Variants in ERCC3 observed in about 807,000 individuals in gnomAD.
ERCC3 encodes general transcription and DNA repair factor IIH helicase/translocase subunit XPB.
Under a neutral mutation model 94.2 loss-of-function variants are expected in ERCC3, and 66 were observed. The ratio of observed to expected loss-of-function variants is 0.70; its 90% CI spans 0.57 to 0.86. The LOEUF (loss-of-function observed/expected upper bound fraction) is 0.86, where lower values mean the gene tolerates loss of function less well. Among genes scored for constraint, ERCC3 ranks in the 40% least tolerant of loss-of-function variants. The pLI is 0.00. For synonymous variants in ERCC3, 349 were observed against 369.1 expected, an observed-to-expected ratio of 0.95 and a Z score of 0.63; for missense variants, 829 against 987.1, an observed-to-expected ratio of 0.84 and a Z score of 2.15.
At chr2:127,266,734 G>A (rs1369301586) in intron 12 of ERCC3, among the ~76,000 whole-genome samples, 1 of 27,322 alleles carries the variant, frequency 3.7e-5, no homozygotes, top group Non-Finnish European at 8.6e-5. Context: ...TTTTTTTTTT[G>A]TGACAGAGTC....
At chr2:127,286,041 T>G (rs1232645466) in intron 8 of ERCC3, among the ~76,000 whole-genome samples, 1 of 151,940 alleles carries the variant, frequency 6.6e-6, no homozygotes, top group Non-Finnish European at 1.5e-5. Flanking sequence ...ACATATTGAC[T>G]AAGGATCAAT....
chr2:127,289,631 G>A, intron 5 of ERCC3, 58 bp downstream of exon 5: 2 of 1,611,208 alleles, frequency 1.2e-6, no homozygotes, highest in Non-Finnish European at 1.7e-6. Context: ...AGACACCTGA[G>A]AGAACTGAAA....
chr2:127,268,585 A>G (rs1439210995), intron 12 of ERCC3, among the ~76,000 whole-genome samples: 1 of 152,120 alleles, frequency 6.6e-6, no homozygotes, highest in Non-Finnish European at 1.5e-5. Context: ...CTTTTCTTTA[A>G]GAATGCTAAA....
At chr2:127,282,413 T>C (rs1684944364) in intron 8 of ERCC3, among the ~76,000 whole-genome samples, 1 of 152,180 alleles carries the variant, frequency 6.6e-6, no homozygotes. Flanking sequence ...AGGTTCTCAA[T>C]AAATACCTGT....
chr2:127,278,449 A>C (rs1391571101), intron 10 of ERCC3, among the ~76,000 whole-genome samples: 5 of 152,158 alleles, frequency 3.3e-5, no homozygotes, highest in Non-Finnish European at 7.4e-5. Context: ...TAAGAAATTT[A>C]ATCTTTCTAT....
intron 12 of ERCC3, chr2:127,262,884 CA>C: frequency 6.6e-6 from 1 of 152,152 alleles, no homozygotes; most frequent in East Asian, 1.9e-4. Context: ...TACAGTTAGC[CA>C]GTTTCCCCAG....
At position 127,270,669 on chromosome 2, in the gene ERCC3, G is replaced by C. The variant is rs558350900; in HGVS notation, c.1945+667C>G. Among the ~76,000 whole-genome samples the C allele has an allele frequency of 2.6e-5, 4 of 152,302 alleles. No homozygotes were observed. The South Asian group carries it at 8.3e-4, about 32-fold the overall frequency. On this transcript the variant is annotated intron_variant, in intron 12 of 14. Coordinates refer to ENST00000285398, the MANE Select transcript of ERCC3 (RefSeq NM_000122.2). ...GGATAGGGCTTGTGTCCTTGTCTCA[G>C]GATGTGCCCTGGTCCCAGTAAGACA...
chr2:127,260,815 A>G (rs556422073), intron 13 of ERCC3: 49 of 208,764 alleles, frequency 2.3e-4, no homozygotes, highest in Non-Finnish European at 3.8e-4. Context: ...AGTGAAAGTT[A>G]GCCAAAGCTT....
intron 6 of ERCC3, 115 bp from the exon 7 acceptor site, chr2:127,288,979 A>G: frequency 1.1e-6 from 1 of 893,406 alleles, no homozygotes. Flanking sequence ...CTTCTACAAG[A>G]TTTTAGATCT....
In ERCC3 at chr2:127,288,767, T is replaced by G. The variant is rs1435188738; in HGVS notation, c.920A>C (p.Asn307Thr). The G allele has an allele frequency of 3.1e-6, 5 of 1,614,018 alleles. No individual in the cohort carries two copies. Residue 307 changes from asparagine to threonine, a missense_variant, in exon 7 of 15, where the codon AAC (asparagine) becomes ACC (threonine). Physicochemically the swap from Asn to Thr is moderately conservative, Grantham distance 65. Coordinates refer to ENST00000285398, the MANE Select transcript of ERCC3 (RefSeq NM_000122.2). ...GACAGCTGTGGGCTTTAGGTCAATGTTGATATCAGGGTTGACAGAATCATT... is the reference window on the plus strand; with the variant it reads ...GACAGCTGTGGGCTTTAGGTCAATGGTGATATCAGGGTTGACAGAATCATT... ...FRNDSVNPDI[N>T]IDLKPTAVLR...
intron 11 of ERCC3, among the ~76,000 whole-genome samples, chr2:127,272,007 CTTTTTTTTTTTTTTTTTT>C (rs59921131): frequency 1.6e-5 from 1 of 63,032 alleles, no homozygotes; most frequent in Admixed American, 2.4e-4. Flanking sequence ...AATCTCATTT[CTTTTTTTTTTTTTTTTTT>C]TTTTTTTTTT....
chr2:127,289,777 TGGA>T lies in ERCC3; in HGVS notation c.566_568del (p.Leu189del), dbSNP rs1200215283. On this transcript the variant is annotated inframe_deletion, in exon 5 of 15. Coordinates refer to ENST00000285398, the MANE Select transcript of ERCC3 (RefSeq NM_000122.2). ...GCGGCATTCTCGGATCACGGGGTCC[TGGA>T]GAAGATGCTGGATTACATCAGGGTG... 16 of 1,614,006 alleles carry T rather than the reference TGGA, an allele frequency of 9.9e-6. No individual in the cohort carries two copies. In the Admixed American group the frequency reaches 2.7e-4, roughly 27 times the overall value.
chr2:127,293,011 C>G (rs985773402), intron 2 of ERCC3, among the ~76,000 whole-genome samples, 165 bp from the exon 3 acceptor site: 2 of 152,162 alleles, frequency 1.3e-5, no homozygotes, highest in African/African-American at 4.8e-5. Context: ...TAATCAGATA[C>G]AGAAGAGTAA....
chr2:127,285,707 C>T (rs970249578), intron 8 of ERCC3, among the ~76,000 whole-genome samples: 4 of 150,944 alleles, frequency 2.6e-5, no homozygotes, highest in Non-Finnish European at 4.4e-5. Flanking sequence ...AAAAATTAGC[C>T]GGGTGTGGTA....
In ERCC3 at chr2:127,283,622, C is replaced by T. The variant is rs142292052; in HGVS notation, c.1343-2991G>A. Among the ~76,000 whole-genome samples the T allele has an allele frequency of 2.3e-3, 353 of 152,302 alleles. 1 individual carries two copies. The highest frequency in any genetic ancestry group is 7.7e-3 in the African/African-American group (320 of 41,560). On this transcript the variant is annotated intron_variant, in intron 8 of 14. Coordinates refer to ENST00000285398, the MANE Select transcript of ERCC3 (RefSeq NM_000122.2). ...GGACTGATGGGTCATGTGGTAATTT[C>T]ATAATAAATGGACAAACTGTTTTCC...
rs574127515 is a variant in ERCC3, at chr2:127,274,782, G to A, written c.1731-1821C>T. On this transcript the variant is annotated intron_variant, in intron 10 of 14. Coordinates refer to ENST00000285398, the MANE Select transcript of ERCC3 (RefSeq NM_000122.2). The surrounding 1 kb of genome is among the most constrained non-coding windows in gnomAD (Gnocchi z 4.0). ...CCCCCATCACCAGGAAAAACTACTT[G>A]CACAGTGGGGAGCCCTCAGTTTCTA... Among the ~76,000 whole-genome samples, 2 of 152,200 alleles carry A rather than the reference G, an allele frequency of 1.3e-5. No individual in the cohort carries two copies. Among genetic ancestry groups the A allele is most frequent in the Non-Finnish European group, 2.9e-5 (2 of 68,032 alleles).
chr2:127,281,882 T>C (rs1684926341), intron 8 of ERCC3, among the ~76,000 whole-genome samples: 1 of 151,982 alleles, frequency 6.6e-6, no homozygotes, highest in Non-Finnish European at 1.5e-5. Flanking sequence ...AAGCTCCCCA[T>C]GTTAGAGGGA....
rs1684094076 is a variant in ERCC3, at chr2:127,258,595, T to G, written c.2217+701A>C. 6.6e-6 allele frequency among the ~76,000 whole-genome samples: 1 copy of G among 152,126 alleles called. No individual in the cohort carries two copies. On this transcript the variant is annotated intron_variant, in intron 14 of 14. Coordinates refer to ENST00000285398, the MANE Select transcript of ERCC3 (RefSeq NM_000122.2). This position sits in a 1 kb window ranked among gnomAD's most constrained non-coding sequence, Gnocchi z 4.1. ...CAGCCCCTTCCCAGGGACAGCTGTT[T>G]CCTTCTTGCCTTGGTCCAGCAGTTG...
At chr2:127,273,037 G>T in intron 10 of ERCC3, 76 bp from the exon 11 acceptor site, 2 of 944,100 alleles carry the variant, frequency 2.1e-6, no homozygotes, top group Non-Finnish European at 3.5e-6. Context: ...AGGGAAAAAG[G>T]AGCTCAGGCT....
Sources: gnomAD v4.1 joint callset for allele counts (sites outside exome capture counted in the v4.1 genomes callset) on GRCh38, gnomAD v4.1.1 for gene constraint, Gnocchi (gnomAD v3.1) non-coding constraint, MANE v1.5 for transcripts, NCBI Gene and HGNC (gene_info 2026-07-23, HGNC 2026-07-21) for gene names.